SNTB1: variants seen among roughly 807,000 people sequenced by gnomAD.
SNTB1 encodes beta-1-syntrophin.
In SNTB1, 36 loss-of-function variants were observed where a neutral mutation model predicts 48.9. That is an observed-to-expected ratio of 0.74 (90% CI 0.56 to 0.97). SNTB1 has a LOEUF of 0.97. Among genes scored for constraint, SNTB1 ranks in the 50% least tolerant of loss-of-function variants. The pLI, the probability that SNTB1 is intolerant of heterozygous loss-of-function variation, is 0.00. For synonymous variants in SNTB1, 299 were observed against 294.6 expected (o/e 1.01, Z -0.15); for missense variants, 786 against 703.4 (o/e 1.12, Z -1.33).
chr8:120,734,303 C>A (rs932336198), intron 1 of SNTB1, among the ~76,000 whole-genome samples: 1 of 151,962 alleles, frequency 6.6e-6, no homozygotes, highest in Non-Finnish European at 1.5e-5. Context: ...AAATTATAGC[C>A]AGGCATGGTG....
At chr8:120,729,568 T>G (rs1818818454) in intron 1 of SNTB1, among the ~76,000 whole-genome samples, 1 of 152,250 alleles carries the variant, frequency 6.6e-6, no homozygotes, top group African/African-American at 2.4e-5. Context: ...TGGTACTTGT[T>G]GAATTCTCTA....
intron 6 of SNTB1, among the ~76,000 whole-genome samples, chr8:120,541,420 C>T (rs1312086958): frequency 1.3e-5 from 2 of 152,138 alleles, no homozygotes; most frequent in Admixed American, 1.3e-4. Flanking sequence ...TCGGAGACTT[C>T]CCTGACGGTA....
intron 3 of SNTB1, among the ~76,000 whole-genome samples, chr8:120,624,352 C>T (rs894973950): frequency 2.0e-5 from 3 of 152,134 alleles, no homozygotes; most frequent in South Asian, 2.1e-4. Flanking sequence ...CATCCCATGA[C>T]AGAAGAAGCA....
chr8:120,779,374 G>A (rs1819792199), intron 1 of SNTB1, among the ~76,000 whole-genome samples: 1 of 152,110 alleles, frequency 6.6e-6, no homozygotes, highest in Admixed American at 6.5e-5. Context: ...GTGGTGTTGT[G>A]TGCCTGTAGT....
chr8:120,671,897 T>C (rs2129786611), intron 2 of SNTB1, among the ~76,000 whole-genome samples: 1 of 152,336 alleles, frequency 6.6e-6, no homozygotes, highest in Middle Eastern at 3.4e-3. Flanking sequence ...CTGTACCTTT[T>C]GAATATTAAA....
intron 3 of SNTB1, among the ~76,000 whole-genome samples, chr8:120,588,918 CT>C (rs990433076): frequency 3.9e-5 from 6 of 152,206 alleles, no homozygotes; most frequent in Admixed American, 3.9e-4. Context: ...GGTAAGTCTT[CT>C]GCATACTATT....
chr8:120,807,175 C>A (rs1820348228), intron 1 of SNTB1, among the ~76,000 whole-genome samples: 1 of 152,234 alleles, frequency 6.6e-6, no homozygotes, highest in Admixed American at 6.5e-5. Context: ...AAGATTCTGA[C>A]TCCTTGATCT....
intron 3 of SNTB1, among the ~76,000 whole-genome samples, chr8:120,631,376 C>T (rs1256476018): frequency 3.3e-5 from 5 of 152,118 alleles, no homozygotes; most frequent in African/African-American, 1.2e-4. Context: ...AGCCCAACAA[C>T]CCATTTGGTG....
chr8:120,623,282 C>G (rs547111154), intron 3 of SNTB1, among the ~76,000 whole-genome samples: 3 of 152,316 alleles, frequency 2.0e-5, no homozygotes, highest in African/African-American at 7.2e-5. Flanking sequence ...GTTGCCTTGA[C>G]ATATTTGAGC....
chr8:120,797,050 T>C (rs1820130202), intron 1 of SNTB1, among the ~76,000 whole-genome samples: 1 of 152,086 alleles, frequency 6.6e-6, no homozygotes, highest in South Asian at 2.1e-4. Flanking sequence ...AAAAGTTTCT[T>C]TCAGATAGTT....
intron 1 of SNTB1, among the ~76,000 whole-genome samples, chr8:120,767,109 T>C (rs1435979415): frequency 6.6e-6 from 1 of 152,264 alleles, no homozygotes; most frequent in Non-Finnish European, 1.5e-5. Flanking sequence ...TAATTTATTT[T>C]GGTTCCCAAG....
Position 120,811,143 on chromosome 8 carries a change from A to AAC in SNTB1, c.571+128_571+129dup, listed in dbSNP as rs368555580. 5,242 of 1,130,114 alleles carry AAC rather than the reference A, an allele frequency of 4.6e-3. 159 individuals are homozygous for AAC. In the African/African-American group the frequency reaches 0.069, roughly 15 times the overall value. 70.0% of individuals were successfully genotyped at this position (1,130,114 alleles called of 1,614,324 possible). On this transcript the variant is annotated intron_variant, in intron 1 of 6. Coordinates refer to ENST00000517992, the MANE Select transcript of SNTB1 (RefSeq NM_021021.4). ...CCTGCGCCACCCTTCCCCCCCCCCC[A>AAC]ACACACACACACCCGGCCCCCTGGG...
At chr8:120,587,031 G>A (rs1816154786) in intron 3 of SNTB1, among the ~76,000 whole-genome samples, 1 of 152,166 alleles carries the variant, frequency 6.6e-6, no homozygotes, top group African/African-American at 2.4e-5. Context: ...GACCAGCCTG[G>A]CCAACATGGT....
intron 1 of SNTB1, among the ~76,000 whole-genome samples, chr8:120,709,233 A>G (rs1370332103): frequency 6.6e-6 from 1 of 152,182 alleles, no homozygotes; most frequent in East Asian, 1.9e-4. Context: ...CAAATCATTT[A>G]ATCCTCTAGT....
chr8:120,793,535 T>G (rs1820073613), intron 1 of SNTB1, among the ~76,000 whole-genome samples: 1 of 152,004 alleles, frequency 6.6e-6, no homozygotes, highest in Non-Finnish European at 1.5e-5. Context: ...ATGTGATCTA[T>G]CAGGATACAA....
At chr8:120,550,090 C>G (rs1274420534) in intron 4 of SNTB1, among the ~76,000 whole-genome samples, 1 of 152,100 alleles carries the variant, frequency 6.6e-6, no homozygotes, top group African/African-American at 2.4e-5. Flanking sequence ...TAGAATAAAG[C>G]ATATTATTAC....
chr8:120,598,305 T>A (rs1816359823), intron 3 of SNTB1, among the ~76,000 whole-genome samples: 1 of 152,222 alleles, frequency 6.6e-6, no homozygotes, highest in Non-Finnish European at 1.5e-5. Flanking sequence ...GACTTCTTCA[T>A]CCTCATCTCT....
chr8:120,541,734 A>G (rs1815291906), intron 6 of SNTB1, 76 bp downstream of exon 6: 2 of 1,077,894 alleles, frequency 1.9e-6, no homozygotes, highest in Non-Finnish European at 1.3e-6. Flanking sequence ...ATGCCGAATA[A>G]GAGTAAGGCA....
chr8:120,544,927 C>G (rs533252588), intron 5 of SNTB1, among the ~76,000 whole-genome samples: 1 of 151,524 alleles, frequency 6.6e-6, no homozygotes, highest in Non-Finnish European at 1.5e-5. Context: ...CAAAAAGGCA[C>G]TGATTATCTT....
Sources: allele counts gnomAD v4.1 joint callset (sites outside exome capture counted in the v4.1 genomes callset), GRCh38; gene constraint gnomAD v4.1.1; transcripts MANE v1.5; gene names NCBI Gene and HGNC (gene_info 2026-07-23, HGNC 2026-07-21).